THEMIS: variants seen among roughly 807,000 people sequenced by gnomAD.
THEMIS encodes the protein thymocyte selection associated.
A neutral mutation model predicts 52.6 loss-of-function variants in THEMIS; 37 were observed. The ratio of observed to expected loss-of-function variants is 0.70; its 90% confidence interval spans 0.54 to 0.93. The LOEUF (loss-of-function observed/expected upper bound fraction) is 0.93, where lower values mean the gene tolerates loss of function less well. Ranked by LOEUF, THEMIS falls within the 40% of genes least tolerant of loss-of-function variation. The pLI, the probability that THEMIS is intolerant of heterozygous loss-of-function variation, is 0.00. For synonymous variants in THEMIS, 292 were observed against 272.7 expected, an observed-to-expected ratio of 1.07 and a Z score of -0.70; for missense variants, 808 against 763.1, an observed-to-expected ratio of 1.06 and a Z score of -0.69.
In THEMIS at chr6:127,896,107, A is replaced by AAT. The variant is rs1780959369; in HGVS notation, c.91+4733_91+4734dup. Among the ~76,000 whole-genome samples the AAT allele has an allele frequency of 2.0e-5, 3 of 151,612 alleles. No homozygotes were observed. The South Asian group carries it at 6.2e-4, about 31-fold the overall frequency. ...CAAAAAGAATATTTGATAAATGTCA[A>AAT]ATATATATTCAAGTTTTTAAAACCT... On this transcript the variant is annotated intron_variant, in intron 1 of 5. Transcript: ENST00000368248.
downstream of THEMIS, among the ~76,000 whole-genome samples, chr6:127,705,880 A>G (rs1490792253): frequency 6.6e-6 from 1 of 152,184 alleles, no homozygotes; most frequent in Admixed American, 6.5e-5. Context: ...AGTATAATCC[A>G]TGCTCCAGGG....
At chr6:127,732,063 G>A (rs372908989) in intron 4 of THEMIS, among the ~76,000 whole-genome samples, 8 of 150,046 alleles carry the variant, frequency 5.3e-5, no homozygotes, top group African/African-American at 1.7e-4. Flanking sequence ...TAAATGTTAC[G>A]CAGTATTGGA....
intron 1 of THEMIS, among the ~76,000 whole-genome samples, chr6:127,876,049 T>C (rs1780304606): frequency 6.6e-6 from 1 of 152,200 alleles, no homozygotes; most frequent in African/African-American, 2.4e-5. Flanking sequence ...CATGATCTGA[T>C]TACAAAATAA....
chr6:127,764,328 T>A (rs1319370323), intron 4 of THEMIS, among the ~76,000 whole-genome samples: 1 of 150,202 alleles, frequency 6.7e-6, no homozygotes, highest in Non-Finnish European at 1.5e-5. Flanking sequence ...CTTGAGGCAT[T>A]TTTTTTTTAC....
intron 1 of THEMIS, among the ~76,000 whole-genome samples, chr6:127,908,459 G>A (rs1171169535): frequency 4.6e-5 from 7 of 152,122 alleles, no homozygotes; most frequent in Non-Finnish European, 1.0e-4. Context: ...CAACTGAGTC[G>A]ATCTGCGTAT....
chr6:127,697,551 G>C, the THEMIS span, among the ~76,000 whole-genome samples: 3 of 152,100 alleles, frequency 2.0e-5, no homozygotes, highest in African/African-American at 4.8e-5. Flanking sequence ...TACCTCCAAA[G>C]CTCCCTATTT....
At chr6:127,701,400 A>G in the THEMIS span, among the ~76,000 whole-genome samples, 2 of 152,042 alleles carry the variant, frequency 1.3e-5, no homozygotes, top group African/African-American at 4.8e-5. Flanking sequence ...ATCAGTTTCC[A>G]TCGCGTGGTT....
chr6:127,730,846 C>G (rs571760193), intron 4 of THEMIS, among the ~76,000 whole-genome samples: 2 of 152,284 alleles, frequency 1.3e-5, no homozygotes, highest in East Asian at 3.9e-4. Context: ...TTCCTGGCTA[C>G]CAACAGGCAC....
intron 4 of THEMIS, among the ~76,000 whole-genome samples, chr6:127,727,525 C>T (rs1057184821): frequency 1.3e-5 from 2 of 152,074 alleles, no homozygotes; most frequent in Non-Finnish European, 2.9e-5. Context: ...AAATTATTCT[C>T]AACTCATTTA....
chr6:127,846,290 C>G (rs1322644416), intron 2 of THEMIS, among the ~76,000 whole-genome samples: 3 of 151,762 alleles, frequency 2.0e-5, no homozygotes, highest in Non-Finnish European at 2.9e-5. Context: ...TTTAAAACAT[C>G]CAGTTTCAAA....
In THEMIS at chr6:127,822,383, G is replaced by T. The variant is rs559196824; in HGVS notation, c.709+7093C>A. Among the ~76,000 whole-genome samples the T allele has an allele frequency of 2.0e-5, 3 of 151,902 alleles. No individual in the cohort carries two copies. The South Asian group carries it at 6.2e-4, about 32-fold the overall frequency. ...CTGTGAATTTCTATTTTCTTACCTG[G>T]TTCTCCTCTGGTTCATCTGCTGTCC... On this transcript the variant is annotated intron_variant, in intron 3 of 5. Coordinates refer to ENST00000368248, the MANE Select transcript of THEMIS (RefSeq NM_001010923.3).
At chr6:127,774,652 A>G (rs1776498442) in intron 4 of THEMIS, among the ~76,000 whole-genome samples, 1 of 152,188 alleles carries the variant, frequency 6.6e-6, no homozygotes, top group African/African-American at 2.4e-5. Flanking sequence ...CATTGGGGCT[A>G]TTTTTGGAGA....
At chr6:127,859,462 T>C (rs959392449) in intron 1 of THEMIS, among the ~76,000 whole-genome samples, 1 of 152,074 alleles carries the variant, frequency 6.6e-6, no homozygotes, top group African/African-American at 2.4e-5. Flanking sequence ...TAACTATATG[T>C]ATACCTCCCC....
intron 1 of THEMIS, among the ~76,000 whole-genome samples, chr6:127,910,537 C>T (rs1040403150): frequency 1.3e-5 from 2 of 152,092 alleles, no homozygotes; most frequent in African/African-American, 4.8e-5. Flanking sequence ...AATGGAGAAT[C>T]TGTTTCTACT....
intron 4 of THEMIS, among the ~76,000 whole-genome samples, chr6:127,778,151 T>C (rs1161629727): frequency 6.6e-6 from 1 of 152,144 alleles, no homozygotes; most frequent in African/African-American, 2.4e-5. Flanking sequence ...TGGAATTATA[T>C]GTGTGTGTAT....
chr6:127,706,003 TAAGAACACTCC>T (rs1466158207), downstream of THEMIS, among the ~76,000 whole-genome samples: 1 of 152,108 alleles, frequency 6.6e-6, no homozygotes, highest in Non-Finnish European at 1.5e-5. Flanking sequence ...AGATTTCTCC[TAAGAACACTCC>T]AATAAACCAC....
At chr6:127,745,096 T>C (rs906513914) in intron 4 of THEMIS, among the ~76,000 whole-genome samples, 3 of 151,970 alleles carry the variant, frequency 2.0e-5, no homozygotes, top group African/African-American at 7.2e-5. Context: ...CTTAGAGATA[T>C]TTAAACAATA....
chr6:127,727,892 G>T (rs1304154726), intron 4 of THEMIS, among the ~76,000 whole-genome samples: 1 of 151,994 alleles, frequency 6.6e-6, no homozygotes, highest in Non-Finnish European at 1.5e-5. Flanking sequence ...CCCATAAAAG[G>T]CTGCTCTTCT....
At chr6:127,748,395 C>T (rs1775521878) in intron 4 of THEMIS, among the ~76,000 whole-genome samples, 1 of 151,952 alleles carries the variant, frequency 6.6e-6, no homozygotes, top group African/African-American at 2.4e-5. Context: ...GGGCAAAACA[C>T]CAGAGGTAGT....
Sources: gnomAD v4.1 joint callset for allele counts (sites outside exome capture counted in the v4.1 genomes callset) on GRCh38, gnomAD v4.1.1 for gene constraint, MANE v1.5 for transcripts, NCBI Gene and HGNC (gene_info 2026-07-23, HGNC 2026-07-21) for gene names.